TRIM3: variants seen among roughly 807,000 people sequenced by gnomAD.
TRIM3 encodes tripartite motif-containing protein 3.
In TRIM3, 13 loss-of-function variants were observed where a neutral mutation model predicts 66.6. The ratio of observed to expected loss-of-function variants is 0.20; its 90% CI spans 0.13 to 0.31. TRIM3 has a LOEUF of 0.31. Among genes scored for constraint, TRIM3 ranks in the 10% least tolerant of loss-of-function variants. The pLI is 1.00. For synonymous variants in TRIM3, 406 were observed against 411.7 expected, an observed-to-expected ratio of 0.99 and a Z score of 0.17; for missense variants, 711 against 1,020.4, an observed-to-expected ratio of 0.70 and a Z score of 4.13.
intron 7 of TRIM3, among the ~76,000 whole-genome samples, chr11:6,455,187 A>G (rs111522761): frequency 8.4e-4 from 128 of 152,252 alleles, no homozygotes; most frequent in African/African-American, 2.9e-3. Flanking sequence ...CTAACATCAG[A>G]AGTTTCACTA....
Position 6,457,146 on chromosome 11 carries a change from AC to A in TRIM3, c.697-118del. On this transcript the variant is annotated intron_variant, in intron 5 of 11. Transcript: ENST00000345851. The surrounding 1 kb of genome is among the most constrained non-coding windows in gnomAD (Gnocchi z 4.5). ...AAGAGGGTGCCTGTGGACAGAGGAC[AC>A]AGATGCCCACAGCACCTACCGAGGG... 6.6e-7 allele frequency: 1 copy of A among 1,508,144 alleles called. No homozygotes were observed. The highest frequency in any genetic ancestry group is 8.9e-7 in the Non-Finnish European group (1 of 1,118,738). The allele number at this position is 1,508,144 out of a possible 1,614,324, so 93.4% of individuals were successfully genotyped here. A position where few individuals can be genotyped will look rare whatever the true frequency, so the allele number is the denominator to read the frequency against.
At chr11:6,467,709 G>A (rs920973786) in intron 1 of TRIM3, among the ~76,000 whole-genome samples, 10 of 152,088 alleles carry the variant, frequency 6.6e-5, no homozygotes, top group East Asian at 3.9e-4. Context: ...AGGCTGCAGT[G>A]AGCCATAATC....
At chr11:6,463,984 T>C (rs183453539) in intron 2 of TRIM3, among the ~76,000 whole-genome samples, 53 of 152,252 alleles carry the variant, frequency 3.5e-4, no homozygotes, top group African/African-American at 1.2e-3. Context: ...AGAGCCAGGT[T>C]TCCGTTGGGG....
rs753560845 is a variant in TRIM3 at position 6,456,274 on chromosome 11, G to C, written c.1429+23C>G. On this transcript the variant is annotated intron_variant, in intron 6 of 11. Coordinates refer to ENST00000345851, the MANE Select transcript of TRIM3 (RefSeq NM_033278.4). The surrounding 1 kb of genome is among the most constrained non-coding windows in gnomAD (Gnocchi z 6.4). Reference sequence around the variant, plus strand: ...CCACTACCTGAGCCTGGCCCATCTGGCTCTGCCCTCGGCTGTCTGTACCAA... The same window carrying C: ...CCACTACCTGAGCCTGGCCCATCTGCCTCTGCCCTCGGCTGTCTGTACCAA... 3 of 1,582,632 alleles carry C rather than the reference G, an allele frequency of 1.9e-6. No individual in the cohort carries two copies. The South Asian group carries it at 3.5e-5, about 18-fold the overall frequency.
upstream of TRIM3, chr11:6,474,178 G>C (rs1030936133): frequency 6.6e-6 from 1 of 151,996 alleles, no homozygotes; most frequent in African/African-American, 2.4e-5. Context: ...CTCGGATCCC[G>C]GATCTCCGCC....
chr11:6,452,009 T>G (rs953308323), intron 7 of TRIM3: 1 of 153,864 alleles, frequency 6.5e-6, no homozygotes, highest in Non-Finnish European at 1.4e-5. Flanking sequence ...TCAGAGGCTG[T>G]TGCAGTATTC....
upstream of TRIM3, chr11:6,473,980 G>T (rs1231808235): frequency 2.0e-4 from 31 of 151,380 alleles, no homozygotes; most frequent in Admixed American, 1.3e-3. Context: ...CGGACCGGCC[G>T]GGGGAGGGGG....
rs773350227 is a variant in TRIM3 at position 6,457,339 on chromosome 11, G to C, written c.653C>G (p.Ala218Gly). 3.1e-6 allele frequency: 5 copies of C among 1,614,164 alleles called. No homozygotes were observed. The highest frequency in any genetic ancestry group is 3.4e-6 in the Non-Finnish European group (4 of 1,180,040). ...LEQALQQRKQALVSDLETICG... is the reference protein window; with the variant it reads ...LEQALQQRKQGLVSDLETICG... ...AATGGTCTCCAGGTCGCTGACCAGA[G>C]CCTGCTTGCGCTGCTGCAGTGCTTG... The change falls in exon 5 of 12, where the codon GCT becomes GGT. Residue 218 changes from alanine (A) to glycine (G), a missense_variant. Physicochemically the swap from Ala to Gly is moderately conservative, Grantham distance 60. Coordinates refer to ENST00000345851, the MANE Select transcript of TRIM3 (RefSeq NM_033278.4). This position sits in a 1 kb window ranked among gnomAD's most constrained non-coding sequence, Gnocchi z 4.5.
At chr11:6,466,455 T>C (rs1237214962) in intron 1 of TRIM3, among the ~76,000 whole-genome samples, 1 of 152,236 alleles carries the variant, frequency 6.6e-6, no homozygotes, top group East Asian at 1.9e-4. Flanking sequence ...GATTTGATCT[T>C]GTCAGTACTC....
At position 6,450,753 on chromosome 11, in the gene TRIM3, G is replaced by T; in HGVS notation, c.1871-132C>A. On this transcript the variant is annotated intron_variant, in intron 9 of 11. Coordinates refer to ENST00000345851, the MANE Select transcript of TRIM3 (RefSeq NM_033278.4). This position sits in a 1 kb window ranked among gnomAD's most constrained non-coding sequence, Gnocchi z 4.8. ...TCCAGGACTGAGACAAATTATTTCT[G>T]AGATGATAGGGCTAACGTAAGGGAA... 1 of 1,430,750 alleles carries T rather than the reference G, an allele frequency of 7.0e-7. No homozygotes were observed. The highest frequency in any genetic ancestry group is 9.7e-7 in the Non-Finnish European group (1 of 1,027,470). The allele number at this position is 1,430,750 out of a possible 1,614,324, so 88.6% of individuals were successfully genotyped here.
chr11:6,455,079 G>A (rs1361515379), intron 7 of TRIM3, among the ~76,000 whole-genome samples: 1 of 151,956 alleles, frequency 6.6e-6, no homozygotes, highest in Non-Finnish European at 1.5e-5. Flanking sequence ...AGGCCTGCTG[G>A]GCTCCTTCCA....
In TRIM3 at chr11:6,457,021, T is replaced by C; in HGVS notation, c.705A>G (p.Gln235=). 3 of 1,587,084 alleles carry C rather than the reference T, an allele frequency of 1.9e-6. 1 individual carries two copies. In the South Asian group the frequency reaches 3.3e-5, roughly 18 times the overall value. Residue 235 remains glutamine (Q), a synonymous_variant, in exon 6 of 12, where the codon CAA becomes CAG. Coordinates refer to ENST00000345851, the MANE Select transcript of TRIM3 (RefSeq NM_033278.4). This position sits in a 1 kb window ranked among gnomAD's most constrained non-coding sequence, Gnocchi z 4.5. ...CCTGGCGCAGTGTGTCCAGCTGGCT[T>C]TGCAACACCTGATGAGGGGTAGGGG... ...TICGAKQKVL[Q]SQLDTLRQGQ... is the part of the protein sequence containing the mutation.
intron 1 of TRIM3, among the ~76,000 whole-genome samples, chr11:6,472,893 C>T (rs1269038625): frequency 6.6e-6 from 1 of 152,188 alleles, no homozygotes. Context: ...CAAATCATCC[C>T]CTGCTTAGGG....
In TRIM3 at chr11:6,450,668, TG is replaced by T; in HGVS notation, c.1871-48del. 2 of 1,573,252 alleles carry T rather than the reference TG, an allele frequency of 1.3e-6. No individual in the cohort carries two copies. Among genetic ancestry groups the T allele is most frequent in the Non-Finnish European group, 8.7e-7 (1 of 1,143,566 alleles). Reference sequence around the variant, plus strand: ...CAGGGCAGTAAGCTGGGATGCTGAGTGGGATGGGGAAGAGTATCTGGGAAGA... The same window carrying T: ...CAGGGCAGTAAGCTGGGATGCTGAGTGGATGGGGAAGAGTATCTGGGAAGA... On this transcript the variant is annotated intron_variant, in intron 9 of 11. Coordinates refer to ENST00000345851, the MANE Select transcript of TRIM3 (RefSeq NM_033278.4). This position sits in a 1 kb window ranked among gnomAD's most constrained non-coding sequence, Gnocchi z 4.8.
intron 1 of TRIM3, among the ~76,000 whole-genome samples, chr11:6,466,733 G>A (rs1433784689): frequency 6.6e-6 from 1 of 151,608 alleles, no homozygotes; most frequent in South Asian, 2.1e-4. Context: ...CATCTTTCAG[G>A]TCCCCATATA....
At chr11:6,451,175 A>G in intron 8 of TRIM3, 96 bp downstream of exon 8, 1 of 1,583,028 alleles carries the variant, frequency 6.3e-7, no homozygotes, top group South Asian at 1.1e-5. Flanking sequence ...AGGAGGAGGT[A>G]GGATTGGATC....
rs41275188 is a variant in TRIM3, at chr11:6,457,257, C to A, written c.696+39G>T. On this transcript the variant is annotated intron_variant, in intron 5 of 11. Coordinates refer to ENST00000345851, the MANE Select transcript of TRIM3 (RefSeq NM_033278.4). This position sits in a 1 kb window ranked among gnomAD's most constrained non-coding sequence, Gnocchi z 4.5. ...AACAATGGAGGCAATAACACCATCA[C>A]AATGGACGATGGTAGGAAAGGGTGA... is the stretch of plus-strand genomic sequence containing the variant. 673 of 1,603,554 alleles carry A rather than the reference C, an allele frequency of 4.2e-4. 2 individuals carry two copies. Among genetic ancestry groups the A allele is most frequent in the Non-Finnish European group, 5.5e-4 (646 of 1,173,032 alleles).
rs1201287229 is a variant in TRIM3 at position 6,458,127 on chromosome 11, C to T, written c.301G>A (p.Asp101Asn). 2 of 1,613,868 alleles carry T rather than the reference C, an allele frequency of 1.2e-6. No individual in the cohort carries two copies. Among genetic ancestry groups the T allele is most frequent in the Admixed American group, 1.7e-5 (1 of 60,030 alleles). The change falls in exon 3 of 12, where the codon GAC (aspartate) becomes AAC (asparagine). Residue 101 changes from aspartate to asparagine, a missense_variant. By Grantham distance (23) the Asp-to-Asn change is conservative. Around this residue, in one of 3 missense-constraint regions of TRIM3, gnomAD observed 149 missense variants for 240.3 expected, o/e 0.62. Transcript: ENST00000345851. The surrounding 1 kb of genome is among the most constrained non-coding windows in gnomAD (Gnocchi z 6.2). ...GCCACTACACTGAGGGGGTGGGGGTCCTCCGGGTCGTGGGCCCCATCAGGT... is the reference window on the plus strand; with the variant it reads ...GCCACTACACTGAGGGGGTGGGGGTTCTCCGGGTCGTGGGCCCCATCAGGT... ...QAPDGAHDPE[D>N]PHPLSVVAGR... is the part of the protein sequence containing the mutation.
At chr11:6,465,804 C>A (rs1204687229) in intron 1 of TRIM3, 72 bp from the exon 2 acceptor site, 1 of 1,433,742 alleles carries the variant, frequency 7.0e-7, no homozygotes, top group African/African-American at 1.4e-5. Flanking sequence ...CCACTCAAAT[C>A]CCCTGCAGAG....
Sources: allele counts gnomAD v4.1 joint callset (sites outside exome capture counted in the v4.1 genomes callset), GRCh38; gene constraint gnomAD v4.1.1; regional missense constraint gnomAD v4.1.1; non-coding constraint Gnocchi (gnomAD v3.1); transcripts MANE v1.5; gene names NCBI Gene and HGNC (gene_info 2026-07-23, HGNC 2026-07-21).